PTPRF: variants seen among roughly 807,000 people sequenced by gnomAD.
PTPRF encodes protein tyrosine phosphatase receptor type F.
PTPRF carries 59 observed loss-of-function variants against 201.8 expected under a neutral mutation model. The observed-to-expected ratio is 0.29, with a 90% CI of 0.24 to 0.36. PTPRF has a LOEUF of 0.36. Among genes scored for constraint, PTPRF ranks in the 10% least tolerant of loss-of-function variants. PTPRF has a pLI of 1.00. For missense variants in PTPRF, 2,132 were observed against 2,690.5 expected, an observed-to-expected ratio of 0.79 and a Z score of 4.59; for synonymous variants, 1,088 against 1,089.7, an observed-to-expected ratio of 1.00 and a Z score of 0.03.
At chr1:43,539,509 G>A (rs1264326285) in intron 2 of PTPRF, among the ~76,000 whole-genome samples, 2 of 152,206 alleles carry the variant, frequency 1.3e-5, no homozygotes, top group African/African-American at 4.8e-5. Context: ...GAACTAACAA[G>A]GCTGTGGAAG....
At position 43,591,495 on chromosome 1, in the gene PTPRF, C is replaced by T. The variant is rs1354879374; in HGVS notation, c.1473C>T (p.Phe491=). Reference sequence around the variant, plus strand: ...CCTACAGCCTGCGCGTGCTTGCCTTCACCGCCGTGGGCGATGGCCCTCCCA... The same window carrying T: ...CCTACAGCCTGCGCGTGCTTGCCTTTACCGCCGTGGGCGATGGCCCTCCCA... The part of the protein sequence containing the change: ...GITYSLRVLA[F]TAVGDGPPSP... Residue 491 remains phenylalanine (F), a synonymous_variant, in exon 9 of 34, where the codon TTC becomes TTT. Coordinates refer to ENST00000359947, the MANE Select transcript of PTPRF (RefSeq NM_002840.5). 1 of 1,600,486 alleles carries T rather than the reference C, an allele frequency of 6.2e-7. No individual in the cohort carries two copies. Among genetic ancestry groups the T allele is most frequent in the Admixed American group, 1.7e-5 (1 of 59,254 alleles).
intron 5 of PTPRF, among the ~76,000 whole-genome samples, chr1:43,558,356 G>A (rs1244949636): frequency 6.6e-6 from 1 of 152,088 alleles, no homozygotes; most frequent in Non-Finnish European, 1.5e-5. Flanking sequence ...AACTGCTGTG[G>A]CTCCAGGGCC....
chr1:43,602,115 G>A lies in PTPRF; in HGVS notation c.2340+18G>A, dbSNP rs756069826. On this transcript the variant is annotated intron_variant, in intron 14 of 33. Transcript: ENST00000359947. ...AGGACTATGTAAGTAACAGGTGTGC[G>A]AACGCGGACAAGACATGGGTCAAGC... 35 of 1,611,014 alleles carry A rather than the reference G, an allele frequency of 2.2e-5. No individual in the cohort carries two copies. In the Admixed American group the frequency reaches 3.2e-4, roughly 15 times the overall value.
intron 8 of PTPRF, among the ~76,000 whole-genome samples, chr1:43,590,495 C>G (rs943921596): frequency 4.6e-5 from 7 of 152,180 alleles, no homozygotes; most frequent in Non-Finnish European, 8.8e-5. Flanking sequence ...TCTGTGGGGC[C>G]AGCAGCCCCA....
chr1:43,537,720 A>G lies in PTPRF; in HGVS notation c.-125-478A>G, dbSNP rs1644111506. ...GTAAGTTGGCCAGAAGAGCATGGGT[A>G]GCCTGTGCCAGGCAGTGGCATTCAG... On this transcript the variant is annotated intron_variant, in intron 1 of 33. Transcript: ENST00000359947. This position sits in a 1 kb window ranked among gnomAD's most constrained non-coding sequence, Gnocchi z 4.8. Among the ~76,000 whole-genome samples the G allele has an allele frequency of 6.6e-6, 1 of 152,250 alleles. No homozygotes were observed. Among genetic ancestry groups the G allele is most frequent in the African/African-American group, 2.4e-5 (1 of 41,470 alleles).
rs1653889252 is a variant in PTPRF at position 43,602,068 on chromosome 1, C to T, written c.2314-3C>T. The T allele has an allele frequency of 1.2e-6, 2 of 1,613,176 alleles. No homozygotes were observed. Among genetic ancestry groups the T allele is most frequent in the Non-Finnish European group, 1.7e-6 (2 of 1,179,088 alleles). ...TCCCTTTCTCTCCCTCTCCCGCGGT[C>T]AGTGGCGGCCAGAGGAGTCCGAGGA... On this transcript the variant is annotated splice_region_variant and splice_polypyrimidine_tract_variant and intron_variant, in intron 13 of 33. Coordinates refer to ENST00000359947, the MANE Select transcript of PTPRF (RefSeq NM_002840.5).
At chr1:43,533,553 C>G (rs576894946) in intron 1 of PTPRF, among the ~76,000 whole-genome samples, 1 of 152,162 alleles carries the variant, frequency 6.6e-6, no homozygotes, top group Non-Finnish European at 1.5e-5. Context: ...GGCTCCTCCA[C>G]TTTCCAGCTT....
chr1:43,584,481 C>T (rs1189088800), intron 7 of PTPRF, among the ~76,000 whole-genome samples: 1 of 152,222 alleles, frequency 6.6e-6, no homozygotes, highest in Admixed American at 6.5e-5. Flanking sequence ...TCAGCAGAGA[C>T]AGCCCAGCCC....
chr1:43,559,906 T>TGC (rs946717291), intron 5 of PTPRF, among the ~76,000 whole-genome samples: 4 of 148,120 alleles, frequency 2.7e-5, no homozygotes, highest in African/African-American at 7.5e-5. Context: ...TGTGTGTGTG[T>TGC]GCGCGCGTGT....
At chr1:43,608,949 C>T (rs147990751) in intron 21 of PTPRF, among the ~76,000 whole-genome samples, 152 of 152,218 alleles carry the variant, frequency 1.0e-3, no homozygotes, top group African/African-American at 3.4e-3. Context: ...GGGCATTTAC[C>T]CTGATACTCT....
rs540746889 is a variant in PTPRF, at chr1:43,554,130, G to A, written c.379+189G>A. Reference sequence around the variant, plus strand: ...TGGCCTGGATTGTGCGGCTTATGCTGAGGCCAGCCATGTGGGGCATGATGC... The same window carrying A: ...TGGCCTGGATTGTGCGGCTTATGCTAAGGCCAGCCATGTGGGGCATGATGC... On this transcript the variant is annotated intron_variant, in intron 5 of 33. Transcript: ENST00000359947. This position sits in a 1 kb window ranked among gnomAD's most constrained non-coding sequence, Gnocchi z 4.1. Among the ~76,000 whole-genome samples, 1 of 152,328 alleles carries A rather than the reference G, an allele frequency of 6.6e-6. No homozygotes were observed. The highest frequency in any genetic ancestry group is 2.1e-4 in the South Asian group (1 of 4,824).
rs753061964 is a variant in PTPRF at position 43,621,198 on chromosome 1, T to G, written c.5621T>G (p.Leu1874Arg). 6.2e-7 allele frequency: 1 copy of G among 1,614,054 alleles called. No individual in the cohort carries two copies. The change falls in exon 33 of 34, where the codon CTG (leucine) becomes CGG (arginine). Residue 1874 changes from leucine to arginine, a missense_variant. Coordinates refer to ENST00000359947, the MANE Select transcript of PTPRF (RefSeq NM_002840.5). ...VVDMFQTVKTLRTQRPAMVQT... is the reference protein window; with the variant it reads ...VVDMFQTVKTRRTQRPAMVQT... ...GACATGTTTCAGACCGTGAAGACCCTGCGTACACAGCGTCCTGCCATGGTG... is the reference window on the plus strand; with the variant it reads ...GACATGTTTCAGACCGTGAAGACCCGGCGTACACAGCGTCCTGCCATGGTG...
chr1:43,605,161 G>T (rs1213075694), intron 17 of PTPRF, 29 bp from the exon 18 acceptor site: 7 of 1,580,496 alleles, frequency 4.4e-6, no homozygotes, highest in Non-Finnish European at 6.0e-6. Flanking sequence ...TCACCCAAAG[G>T]CATTGATTGC....
intron 26 of PTPRF, 104 bp from the exon 27 acceptor site, chr1:43,618,944 C>G: frequency 1.3e-6 from 2 of 1,491,288 alleles, no homozygotes; most frequent in Non-Finnish European, 1.8e-6. Context: ...GCTTCTGAGT[C>G]CCATGGGGAA....
chr1:43,602,166 C>T (rs1164258258), intron 14 of PTPRF, 69 bp downstream of exon 14: 7 of 1,531,866 alleles, frequency 4.6e-6, no homozygotes, highest in Non-Finnish European at 6.3e-6. Flanking sequence ...CTCCTCCTCT[C>T]CCTCCTTTCC....
chr1:43,619,681 TGCTG>T lies in PTPRF; in HGVS notation c.4937_4940del (p.Leu1646ProfsTer25). 1 of 1,613,960 alleles carries T rather than the reference TGCTG, an allele frequency of 6.2e-7. No individual in the cohort carries two copies. ...TGACCAATCCCTGCCTCTCAATAGT[TGCTG>T]GCCAGCTCCAAGGCCCACACGTCCC... On this transcript the variant is annotated frameshift_variant and splice_region_variant, in exon 29 of 34. Coordinates refer to ENST00000359947, the MANE Select transcript of PTPRF (RefSeq NM_002840.5). LOFTEE classifies it high-confidence loss of function.
Position 43,620,138 on chromosome 1 carries a change from A to G in PTPRF, c.5155A>G (p.Ser1719Gly). The G allele has an allele frequency of 6.2e-7, 1 of 1,614,090 alleles. No homozygotes were observed. The highest frequency in any genetic ancestry group is 8.5e-7 in the Non-Finnish European group (1 of 1,179,972). Reference protein sequence around the residue: ...YIATQGPLAESTEDFWRMLWE... With the variant: ...YIATQGPLAEGTEDFWRMLWE... ...AGCTACACAGGGGCCTCTGGCAGAG[A>G]GCACCGAGGACTTCTGGCGCATGCT... Residue 1719 changes from serine (S) to glycine (G), a missense_variant, in exon 30 of 34, where the codon AGC becomes GGC. Coordinates refer to ENST00000359947, the MANE Select transcript of PTPRF (RefSeq NM_002840.5).
In PTPRF at chr1:43,546,136, G is replaced by A. The variant is rs1013217458; in HGVS notation, c.91+970G>A. 5.9e-5 allele frequency among the ~76,000 whole-genome samples: 9 copies of A among 152,274 alleles called. No individual in the cohort carries two copies. Among genetic ancestry groups the A allele is most frequent in the Admixed American group, 2.0e-4 (3 of 15,310 alleles). On this transcript the variant is annotated intron_variant, in intron 3 of 33. Coordinates refer to ENST00000359947, the MANE Select transcript of PTPRF (RefSeq NM_002840.5). This position sits in a 1 kb window ranked among gnomAD's most constrained non-coding sequence, Gnocchi z 4.2. ...CCATAGGGCTCCCCCACCTGCCTCCGTATCTCTGGGTACAGATCTCTCCCC... is the reference window on the plus strand; with the variant it reads ...CCATAGGGCTCCCCCACCTGCCTCCATATCTCTGGGTACAGATCTCTCCCC...
Position 43,588,615 on chromosome 1 carries a change from C to T in PTPRF, c.680-116C>T. ...GGTCTGGCGGTGCCACCCCTCCTGTCTCTGAGCATGGGTTTGGCTCTGACC... is the reference window on the plus strand; with the variant it reads ...GGTCTGGCGGTGCCACCCCTCCTGTTTCTGAGCATGGGTTTGGCTCTGACC... On this transcript the variant is annotated intron_variant, in intron 7 of 33. Coordinates refer to ENST00000359947, the MANE Select transcript of PTPRF (RefSeq NM_002840.5). The surrounding 1 kb of genome is among the most constrained non-coding windows in gnomAD (Gnocchi z 5.3). 7.3e-7 allele frequency: 1 copy of T among 1,374,472 alleles called. No individual in the cohort carries two copies. Among genetic ancestry groups the T allele is most frequent in the Non-Finnish European group, 9.8e-7 (1 of 1,023,112 alleles). The allele number at this position is 1,374,472 out of a possible 1,614,324, so 85.1% of individuals were successfully genotyped here.
Sources: allele counts gnomAD v4.1 joint callset (sites outside exome capture counted in the v4.1 genomes callset), GRCh38; gene constraint gnomAD v4.1.1; non-coding constraint Gnocchi (gnomAD v3.1); transcripts MANE v1.5; gene names NCBI Gene and HGNC (gene_info 2026-07-23, HGNC 2026-07-21).